The following HMGA2 variants were observed in gnomAD, a reference collection of about 807,000 sequenced individuals.
HMGA2 encodes high mobility group AT-hook 2, also known as high mobility group protein HMGI-C.
HMGA2 carries 8 observed loss-of-function variants against 19.1 expected under a neutral mutation model. The observed-to-expected ratio is 0.42, with a 90% CI of 0.25 to 0.76. The LOEUF (loss-of-function observed/expected upper bound fraction) is 0.76. Among genes scored for constraint, HMGA2 ranks in the 30% least tolerant of loss-of-function variants. The pLI is 0.28. For missense variants in HMGA2, 109 were observed against 136.3 expected, an observed-to-expected ratio of 0.80 and a Z score of 1.00; for synonymous variants, 60 against 48.8, an observed-to-expected ratio of 1.23 and a Z score of -0.96.
At position 65,849,736 on chromosome 12, in the gene HMGA2, A is replaced by ATTTTTTTTTTTTT. The variant is rs34541445; in HGVS notation, c.249+11179_249+11191dup. Among the ~76,000 whole-genome samples the ATTTTTTTTTTTTT allele has an allele frequency of 1.2e-3, 103 of 85,122 alleles. 6 individuals carry two copies. Among genetic ancestry groups the ATTTTTTTTTTTTT allele is most frequent in the Middle Eastern group, 8.3e-3 (1 of 120 alleles). 55.8% of individuals were successfully genotyped at this position (85,122 alleles called of 152,430 possible). ...AAACCAAGACAATGGTAGGCTCTGTATTTTTTTTTTTTTTTTTTTTTTTTG... is the reference window on the plus strand; with the variant it reads ...AAACCAAGACAATGGTAGGCTCTGTATTTTTTTTTTTTTTTTTTTTTTTTTTTTTTTTTTTTTG... On this transcript the variant is annotated intron_variant, in intron 3 of 4. Transcript: ENST00000403681.
chr12:65,885,916 G>A (rs1315341300), intron 3 of HMGA2, among the ~76,000 whole-genome samples: 2 of 152,136 alleles, frequency 1.3e-5, no homozygotes, highest in African/African-American at 2.4e-5. Flanking sequence ...CTTAGTTCCG[G>A]GAACTGCCCA....
chr12:65,915,299 A>C (rs1875052717), intron 3 of HMGA2: 1 of 1,434,442 alleles, frequency 7.0e-7, no homozygotes, highest in Non-Finnish European at 9.2e-7. Flanking sequence ...TTCCAACTGA[A>C]GTCTGCATCC....
At chr12:65,922,815 G>T (rs571777166) in intron 3 of HMGA2, among the ~76,000 whole-genome samples, 1 of 152,226 alleles carries the variant, frequency 6.6e-6, no homozygotes, top group Non-Finnish European at 1.5e-5. Flanking sequence ...TGAATCATGG[G>T]GGCCGGTCTT....
At chr12:65,830,339 A>AAC (rs1175252669) in intron 2 of HMGA2, among the ~76,000 whole-genome samples, 1 of 151,982 alleles carries the variant, frequency 6.6e-6, no homozygotes, top group African/African-American at 2.4e-5. Context: ...GTTCTAACAA[A>AAC]ACATATATGT....
At chr12:65,874,200 A>G (rs1025720122) in intron 3 of HMGA2, 2 of 151,660 alleles carry the variant, frequency 1.3e-5, no homozygotes, top group African/African-American at 4.8e-5. Context: ...CTACAAGAAA[A>G]GAAAACTTAT....
At position 65,825,527 on chromosome 12, in the gene HMGA2, A is replaced by C; in HGVS notation, c.111+146A>C. On this transcript the variant is annotated intron_variant, in intron 1 of 4. Transcript: ENST00000403681. This position sits in a 1 kb window ranked among gnomAD's most constrained non-coding sequence, Gnocchi z 4.4. Reference sequence around the variant, plus strand: ...CGGCCGGCCGGGGGGAGCGGCGCAGACCCCACGAGTGCGCCGCGCGGCCCC... The same window carrying C: ...CGGCCGGCCGGGGGGAGCGGCGCAGCCCCCACGAGTGCGCCGCGCGGCCCC... The C allele has an allele frequency of 3.3e-6, 1 of 300,246 alleles. No individual in the cohort carries two copies. The allele number at this position is 300,246 out of a possible 1,614,324, so 18.6% of individuals were successfully genotyped here. A position where few individuals can be genotyped will look rare whatever the true frequency, so the allele number is the denominator to read the frequency against.
At chr12:65,942,951 C>A (rs961777959) in intron 3 of HMGA2, among the ~76,000 whole-genome samples, 1 of 151,974 alleles carries the variant, frequency 6.6e-6, no homozygotes, top group East Asian at 1.9e-4. Flanking sequence ...TTTTCAGTGA[C>A]CTTATCTCTA....
intron 3 of HMGA2, among the ~76,000 whole-genome samples, chr12:65,891,246 A>G (rs1424589765): frequency 2.0e-5 from 3 of 152,156 alleles, no homozygotes; most frequent in Non-Finnish European, 4.4e-5. Flanking sequence ...TGATTTCATG[A>G]TCCATTTCTG....
chr12:65,831,780 G>A (rs1870490060), intron 2 of HMGA2, among the ~76,000 whole-genome samples: 1 of 151,874 alleles, frequency 6.6e-6, no homozygotes, highest in Non-Finnish European at 1.5e-5. Context: ...TAAAAAGAGA[G>A]AAGATAGTTT....
rs555633538 is a variant in HMGA2 at position 65,824,914 on chromosome 12, C to T, written c.-357C>T. ...TCCTGATCCCAACCCGCGAGAGGAG[C>T]CTCTGCGACCTCAAAGCCTCTCTTC... On this transcript the variant is annotated 5_prime_UTR_variant, in exon 1 of 5. Coordinates refer to ENST00000403681, the MANE Select transcript of HMGA2 (RefSeq NM_003483.6). 6.7e-6 allele frequency: 2 copies of T among 299,012 alleles called. No homozygotes were observed. Among genetic ancestry groups the T allele is most frequent in the Non-Finnish European group, 1.2e-5 (2 of 160,176 alleles). The allele number at this position is 299,012 out of a possible 1,614,324, so 18.5% of individuals were successfully genotyped here.
intron 3 of HMGA2, among the ~76,000 whole-genome samples, chr12:65,889,848 G>C (rs1245734653): frequency 6.6e-6 from 1 of 152,132 alleles, no homozygotes; most frequent in Non-Finnish European, 1.5e-5. Context: ...GCCAGGCAGG[G>C]CAGACTGGCT....
At chr12:65,847,184 A>G (rs949911275) in intron 3 of HMGA2, among the ~76,000 whole-genome samples, 1 of 152,180 alleles carries the variant, frequency 6.6e-6, no homozygotes, top group Non-Finnish European at 1.5e-5. Context: ...CAGCAAATAT[A>G]TAAGCTAATA....
chr12:65,877,126 G>A (rs1234199466), intron 3 of HMGA2: 1 of 152,178 alleles, frequency 6.6e-6, no homozygotes, highest in Non-Finnish European at 1.5e-5. Flanking sequence ...CATTGTTCTT[G>A]TTTGAACTGA....
chr12:65,881,619 G>A, intron 3 of HMGA2: 1 of 655,702 alleles, frequency 1.5e-6, no homozygotes. Flanking sequence ...GGACCCAGAG[G>A]GAGCGAAGGA....
At chr12:65,920,547 GACT>G (rs1261275429) in intron 3 of HMGA2, among the ~76,000 whole-genome samples, 15 of 152,160 alleles carry the variant, frequency 9.9e-5, no homozygotes, top group African/African-American at 3.6e-4. Context: ...TTAGGGGAGG[GACT>G]CAGCAGGAGG....
At chr12:65,928,609 T>C (rs1174813220) in intron 3 of HMGA2, among the ~76,000 whole-genome samples, 11 of 152,242 alleles carry the variant, frequency 7.2e-5, no homozygotes, top group Admixed American at 7.2e-4. Flanking sequence ...ACACATTATG[T>C]AGCTGTACAG....
chr12:65,858,493 A>G (rs1871864426), intron 3 of HMGA2: 1 of 152,168 alleles, frequency 6.6e-6, no homozygotes, highest in Non-Finnish European at 1.5e-5. Context: ...CAATCCTGTG[A>G]TAATTTTTCT....
intron 3 of HMGA2, chr12:65,882,110 G>A: frequency 2.0e-6 from 1 of 492,616 alleles, no homozygotes; most frequent in Non-Finnish European, 3.7e-6. Context: ...CGGCTGTACT[G>A]ACAAAAGCAA....
chr12:65,907,356 A>T (rs1874638245), intron 3 of HMGA2, among the ~76,000 whole-genome samples: 1 of 149,220 alleles, frequency 6.7e-6, no homozygotes, highest in African/African-American at 2.5e-5. Context: ...GTTGCAGCGA[A>T]CCAAGATCAT....
Sources: gnomAD v4.1 joint callset for allele counts (sites outside exome capture counted in the v4.1 genomes callset) on GRCh38, gnomAD v4.1.1 for gene constraint, Gnocchi (gnomAD v3.1) non-coding constraint, MANE v1.5 for transcripts, NCBI Gene and HGNC (gene_info 2026-07-23, HGNC 2026-07-21) for gene names.